SLC16A7: variants seen among roughly 807,000 people sequenced by gnomAD.
SLC16A7 encodes solute carrier family 16 member 7.
In SLC16A7, 33 loss-of-function variants were observed where a neutral mutation model predicts 34.9. The observed-to-expected ratio is 0.94, with a 90% CI of 0.72 to 1.26. SLC16A7 has a LOEUF of 1.26. Among genes scored for constraint, SLC16A7 ranks in the 50% most tolerant of loss-of-function variants. The pLI is 0.00. For missense variants in SLC16A7, 573 were observed against 578.1 expected (o/e 0.99, Z 0.09); for synonymous variants, 201 against 206.6 (o/e 0.97, Z 0.23).
intron 3 of SLC16A7, 111 bp from the exon 4 acceptor site, chr12:59,771,107 TC>T: frequency 1.0e-6 from 1 of 970,866 alleles, no homozygotes; most frequent in Non-Finnish European, 1.5e-6. Context: ...CTAGTATTTC[TC>T]CTCTGACCAT....
intron 3 of SLC16A7, among the ~76,000 whole-genome samples, chr12:59,757,571 A>G (rs931273324): frequency 2.0e-5 from 3 of 152,150 alleles, no homozygotes; most frequent in African/African-American, 7.2e-5. Flanking sequence ...CCTCTATAGA[A>G]ACATTTTTAG....
intron 3 of SLC16A7, among the ~76,000 whole-genome samples, chr12:59,748,095 C>G (rs1343499839): frequency 6.6e-6 from 1 of 151,986 alleles, no homozygotes; most frequent in Non-Finnish European, 1.5e-5. Context: ...CCCAGCTACT[C>G]GGAAGGCTGA....
At chr12:59,628,793 T>G (rs1880049180) in intron 1 of SLC16A7, among the ~76,000 whole-genome samples, 1 of 151,888 alleles carries the variant, frequency 6.6e-6, no homozygotes, top group South Asian at 2.1e-4. Context: ...GCCTTTGAAT[T>G]GAATTTTCCA....
At chr12:59,739,729 T>C (rs1034395849) in intron 3 of SLC16A7, among the ~76,000 whole-genome samples, 1 of 152,128 alleles carries the variant, frequency 6.6e-6, no homozygotes, top group Non-Finnish European at 1.5e-5. Flanking sequence ...TTTTAATGAT[T>C]GCCATTCTAA....
chr12:59,604,998 C>T (rs760884959), intron 1 of SLC16A7, among the ~76,000 whole-genome samples: 1 of 152,064 alleles, frequency 6.6e-6, no homozygotes, highest in Non-Finnish European at 1.5e-5. Flanking sequence ...AGGCGCCCGC[C>T]ACCACGCCCG....
intron 3 of SLC16A7, among the ~76,000 whole-genome samples, chr12:59,728,202 G>A (rs912325086): frequency 5.9e-5 from 9 of 152,170 alleles, no homozygotes; most frequent in Non-Finnish European, 8.8e-5. Context: ...TTCTGGGGGT[G>A]ATTAGGATGA....
chr12:59,683,819 T>C lies in SLC16A7; in HGVS notation c.-30-20953T>C, dbSNP rs545419136. Among the ~76,000 whole-genome samples the C allele has an allele frequency of 1.1e-4, 16 of 152,292 alleles. No homozygotes were observed. In the South Asian group the frequency reaches 3.3e-3, roughly 32 times the overall value. ...TATGAGAACCCACATATGTTGGACC[T>C]AATGAGGAAAAGTAGCCATTGAAGA... is the stretch of plus-strand genomic sequence containing the variant. On this transcript the variant is annotated intron_variant, in intron 2 of 5. Transcript: ENST00000547379.
rs57399813 is a variant in SLC16A7, at chr12:59,623,046, C to CTGTGTGTG, written c.-130+26850_-130+26857dup. ...ATAAATAGCATTTCCCTACTGAATG[C>CTGTGTGTG]TGTGTGTGTGTGTGTGTGTGTGTGT... On this transcript the variant is annotated intron_variant, in intron 1 of 5. Transcript: ENST00000547379. Among the ~76,000 whole-genome samples the CTGTGTGTG allele has an allele frequency of 3.5e-4, 47 of 135,002 alleles. 2 individuals carry two copies. Among genetic ancestry groups the CTGTGTGTG allele is most frequent in the South Asian group, 7.5e-4 (3 of 4,020 alleles). The allele number at this position is 135,002 out of a possible 152,430, so 88.6% of individuals were successfully genotyped here.
chr12:59,627,633 C>CT (rs1272221135), intron 1 of SLC16A7, among the ~76,000 whole-genome samples: 1 of 151,748 alleles, frequency 6.6e-6, no homozygotes, highest in African/African-American at 2.4e-5. Flanking sequence ...AGTTCCCATT[C>CT]TTTTTTATAC....
At chr12:59,662,593 C>G (rs1868914020) in intron 2 of SLC16A7, among the ~76,000 whole-genome samples, 2 of 152,164 alleles carry the variant, frequency 1.3e-5, no homozygotes, top group East Asian at 3.9e-4. Flanking sequence ...TTTGGCTTTT[C>G]TTTTTCTCAA....
chr12:59,768,379 C>T (rs529946100), intron 3 of SLC16A7: 42 of 301,110 alleles, frequency 1.4e-4, no homozygotes, highest in Non-Finnish European at 2.5e-4. Context: ...AGAAGTGGAG[C>T]CTGAAGGTGT....
At chr12:59,736,042 C>A in intron 3 of SLC16A7, 2 of 430,680 alleles carry the variant, frequency 4.6e-6, no homozygotes, top group Admixed American at 3.3e-5. Flanking sequence ...AATAAGAACT[C>A]AGGGATATAG....
intron 1 of SLC16A7, among the ~76,000 whole-genome samples, chr12:59,642,182 T>C (rs780129247): frequency 1.6e-4 from 25 of 152,058 alleles, no homozygotes; most frequent in Non-Finnish European, 3.1e-4. Flanking sequence ...TAGCATTTCC[T>C]GTACAGATTC....
intron 1 of SLC16A7, among the ~76,000 whole-genome samples, chr12:59,650,682 A>G (rs2064776187): frequency 6.6e-6 from 1 of 152,122 alleles, no homozygotes; most frequent in Admixed American, 6.6e-5. Context: ...TGTCCCAGGA[A>G]TGGATCTGCT....
chr12:59,729,648 T>C (rs1396217690), intron 3 of SLC16A7, among the ~76,000 whole-genome samples: 1 of 152,188 alleles, frequency 6.6e-6, no homozygotes, highest in Non-Finnish European at 1.5e-5. Flanking sequence ...GGTGATTTTG[T>C]GGTTCTTAAA....
chr12:59,739,866 C>T (rs1045560472), intron 3 of SLC16A7, among the ~76,000 whole-genome samples: 7 of 152,152 alleles, frequency 4.6e-5, no homozygotes, highest in Non-Finnish European at 1.0e-4. Flanking sequence ...CTGTTCATGT[C>T]CTTCACCCAC....
intron 1 of SLC16A7, among the ~76,000 whole-genome samples, chr12:59,608,947 T>C (rs554307568): frequency 7.2e-4 from 110 of 152,358 alleles, no homozygotes; most frequent in South Asian, 6.2e-3. Context: ...TCAGTATTTA[T>C]GATCAAAATT....
intron 1 of SLC16A7, among the ~76,000 whole-genome samples, chr12:59,650,484 A>T (rs1868324140): frequency 6.6e-6 from 1 of 152,098 alleles, no homozygotes; most frequent in Non-Finnish European, 1.5e-5. Context: ...TACCCCTGAG[A>T]ACTTGACTTC....
chr12:59,788,880 A>G lies in SLC16A7; in HGVS notation c.*9201A>G, dbSNP rs1218481202. 6.6e-6 allele frequency: 1 copy of G among 152,044 alleles called. No individual in the cohort carries two copies. The highest frequency in any genetic ancestry group is 2.4e-5 in the African/African-American group (1 of 41,448). The allele number at this position is 152,044 out of a possible 1,614,324, so 9.4% of individuals were successfully genotyped here. On this transcript the variant is annotated 3_prime_UTR_variant, in exon 6 of 6. Coordinates refer to ENST00000547379, the MANE Select transcript of SLC16A7 (RefSeq NM_001270623.2). Reference sequence around the variant, plus strand: ...ACGTTGTTGATCATTTTTAAAGTATATTTTGTTCAAATATTCCTAATTTGT... The same window carrying G: ...ACGTTGTTGATCATTTTTAAAGTATGTTTTGTTCAAATATTCCTAATTTGT...
Sources: gnomAD v4.1 joint callset for allele counts (sites outside exome capture counted in the v4.1 genomes callset) on GRCh38, gnomAD v4.1.1 for gene constraint, MANE v1.5 for transcripts, NCBI Gene and HGNC (gene_info 2026-07-23, HGNC 2026-07-21) for gene names.